ZFAT: variants seen among roughly 807,000 people sequenced by gnomAD.
The protein encoded by ZFAT is zinc finger and AT-hook domain containing.
Under a neutral mutation model 117.7 loss-of-function variants are expected in ZFAT, and 64 were observed. The observed-to-expected ratio is 0.54, with a 90% confidence interval of 0.44 to 0.67. The LOEUF (loss-of-function observed/expected upper bound fraction) is 0.67, where lower values mean the gene tolerates loss of function less well. Ranked by LOEUF, ZFAT falls within the 30% of genes least tolerant of loss-of-function variation. The pLI is 0.00. For missense variants in ZFAT, 1,433 were observed against 1,584.5 expected (o/e 0.90, Z 1.62); for synonymous variants, 679 against 615.0 (o/e 1.10, Z -1.54).
chr8:134,517,017 G>A (rs1373666919), intron 13 of ZFAT, among the ~76,000 whole-genome samples: 1 of 152,018 alleles, frequency 6.6e-6, no homozygotes, highest in Non-Finnish European at 1.5e-5. Flanking sequence ...TATTTTATGT[G>A]TTTCGCTGTC....
chr8:134,555,466 G>A (rs545541201), intron 11 of ZFAT, among the ~76,000 whole-genome samples: 17 of 152,202 alleles, frequency 1.1e-4, no homozygotes, highest in Non-Finnish European at 2.4e-4. Flanking sequence ...CTTGTAAGCA[G>A]GTCTTTCAAA....
intron 3 of ZFAT, among the ~76,000 whole-genome samples, chr8:134,618,004 G>C (rs1828862539): frequency 6.6e-6 from 1 of 152,098 alleles, no homozygotes; most frequent in Non-Finnish European, 1.5e-5. Context: ...GGGTTCATCA[G>C]GGGTTTCCGC....
chr8:134,721,988 C>T, the ZFAT span, among the ~76,000 whole-genome samples: 189 of 152,216 alleles, frequency 1.2e-3, 3 homozygotes, highest in Non-Finnish European at 2.9e-4. Flanking sequence ...TCAGGCCATT[C>T]ATTCATTCCT....
intron 2 of ZFAT, among the ~76,000 whole-genome samples, chr8:134,646,384 C>G (rs1186882282): frequency 1.3e-5 from 2 of 151,658 alleles, no homozygotes; most frequent in African/African-American, 4.8e-5. Flanking sequence ...AAAACAAAAA[C>G]ACAACATACC....
the ZFAT span, among the ~76,000 whole-genome samples, chr8:134,737,532 G>T: frequency 6.6e-6 from 1 of 151,012 alleles, no homozygotes; most frequent in Non-Finnish European, 1.5e-5. Context: ...AAAAAGTGGG[G>T]AAGGTCAAAG....
rs769507340 is a variant in ZFAT at position 134,602,951 on chromosome 8, C to T, written c.786-18G>A. On this transcript the variant is annotated intron_variant, in intron 5 of 15. Coordinates refer to ENST00000377838, the MANE Select transcript of ZFAT (RefSeq NM_020863.4). ...GACCTAGCCTAGAAACAGATGACAG[C>T]ATGGTTACATCTGGAGACCTTGAAT... 1 of 1,588,650 alleles carries T rather than the reference C, an allele frequency of 6.3e-7. No individual in the cohort carries two copies. Among genetic ancestry groups the T allele is most frequent in the Non-Finnish European group, 8.6e-7 (1 of 1,167,336 alleles).
intron 11 of ZFAT, among the ~76,000 whole-genome samples, chr8:134,552,644 A>C (rs949323196): frequency 6.6e-6 from 1 of 152,234 alleles, no homozygotes; most frequent in Admixed American, 6.5e-5. Flanking sequence ...ATACTCATCT[A>C]TACCAAAAGG....
At chr8:134,780,232 G>A in the ZFAT span, among the ~76,000 whole-genome samples, 71 of 152,128 alleles carry the variant, frequency 4.7e-4, no homozygotes, top group Non-Finnish European at 5.6e-4. Context: ...CCATTCACCC[G>A]CCCCTATTTC....
chr8:134,702,967 A>G (rs1834056238), intron 1 of ZFAT, among the ~76,000 whole-genome samples: 1 of 152,200 alleles, frequency 6.6e-6, no homozygotes, highest in South Asian at 2.1e-4. Context: ...CACCGCACCC[A>G]GCCTAAACCT....
At chr8:134,621,885 C>G (rs1586833949) in intron 3 of ZFAT, among the ~76,000 whole-genome samples, 1 of 152,152 alleles carries the variant, frequency 6.6e-6, no homozygotes, top group African/African-American at 2.4e-5. Flanking sequence ...GTTTTGAGAA[C>G]GCATGATGAA....
intron 10 of ZFAT, 95 bp from the exon 11 acceptor site, chr8:134,565,516 TC>T: frequency 8.7e-7 from 1 of 1,155,034 alleles, no homozygotes; most frequent in Non-Finnish European, 1.3e-6. Flanking sequence ...ACAAAGGTGT[TC>T]CTTGCCATGT....
At chr8:134,803,735 A>C in the ZFAT span, among the ~76,000 whole-genome samples, 4 of 152,346 alleles carry the variant, frequency 2.6e-5, no homozygotes, top group Admixed American at 1.3e-4. Flanking sequence ...AGATAATATA[A>C]AATCATTACT....
the ZFAT span, among the ~76,000 whole-genome samples, chr8:134,759,981 A>C: frequency 2.1e-4 from 31 of 149,032 alleles, no homozygotes; most frequent in African/African-American, 7.7e-4. Context: ...AAAAAAAAAA[A>C]AAAAAAAAAC....
intron 3 of ZFAT, among the ~76,000 whole-genome samples, chr8:134,625,057 G>C (rs977387668): frequency 4.6e-5 from 7 of 152,194 alleles, no homozygotes; most frequent in Non-Finnish European, 8.8e-5. Context: ...ACTCCACACT[G>C]CTAATAAAGC....
intron 3 of ZFAT, among the ~76,000 whole-genome samples, chr8:134,617,820 G>A (rs376424932): frequency 3.9e-5 from 6 of 152,102 alleles, no homozygotes; most frequent in Non-Finnish European, 5.9e-5. Context: ...AGATAGTCTC[G>A]ACCGTGATTA....
chr8:134,517,095 T>C (rs561140194), intron 13 of ZFAT, among the ~76,000 whole-genome samples: 1 of 152,144 alleles, frequency 6.6e-6, no homozygotes, highest in Non-Finnish European at 1.5e-5. Context: ...ACTTGATAAC[T>C]GCAGTTTTTG....
At chr8:134,786,546 A>G in the ZFAT span, among the ~76,000 whole-genome samples, 1 of 152,158 alleles carries the variant, frequency 6.6e-6, no homozygotes, top group Non-Finnish European at 1.5e-5. Flanking sequence ...TTAACCTATT[A>G]ACATGGTATA....
intron 15 of ZFAT, among the ~76,000 whole-genome samples, chr8:134,498,007 G>A (rs75376871): frequency 1.8e-4 from 19 of 104,214 alleles, no homozygotes; most frequent in Admixed American, 5.7e-4. Flanking sequence ...TTACACACAG[G>A]GCCTGATTTG....
chr8:134,764,514 T>C, the ZFAT span, among the ~76,000 whole-genome samples: 1 of 152,246 alleles, frequency 6.6e-6, no homozygotes, highest in East Asian at 1.9e-4. Context: ...ATAGGTTCCA[T>C]GTGGTTTTCC....
Sources: allele counts gnomAD v4.1 joint callset (sites outside exome capture counted in the v4.1 genomes callset), GRCh38; gene constraint gnomAD v4.1.1; transcripts MANE v1.5; gene names NCBI Gene and HGNC (gene_info 2026-07-23, HGNC 2026-07-21).